The following RAB6A variants were observed in gnomAD, a reference collection of about 807,000 sequenced individuals.
RAB6A encodes RAB6A, member RAS oncogene family, also known as ras-related protein Rab-6A.
RAB6A carries 8 observed loss-of-function variants against 32.3 expected under a neutral mutation model. That is an observed-to-expected ratio of 0.25 (90% CI 0.15 to 0.45). The LOEUF is 0.45. Ranked by LOEUF, RAB6A falls within the 20% of genes least tolerant of loss-of-function variation. The pLI, the probability that RAB6A is intolerant of heterozygous loss-of-function variation, is 1.00. For synonymous variants in RAB6A, 73 were observed against 82.1 expected, an observed-to-expected ratio of 0.89 and a Z score of 0.60; for missense variants, 104 against 249.4, an observed-to-expected ratio of 0.42 and a Z score of 3.93.
At chr11:73,703,477 C>T (rs1002085600) in intron 6 of RAB6A, among the ~76,000 whole-genome samples, 1 of 152,220 alleles carries the variant, frequency 6.6e-6, no homozygotes, top group Non-Finnish European at 1.5e-5. Flanking sequence ...TACAGTGGCT[C>T]ACGCCTGTAA....
chr11:73,689,815 A>ACT (rs1241167150), intron 6 of RAB6A, among the ~76,000 whole-genome samples: 3 of 149,344 alleles, frequency 2.0e-5, no homozygotes, highest in Non-Finnish European at 4.4e-5. Flanking sequence ...CAGAATCTCG[A>ACT]CTGTGCCTCT....
At chr11:73,721,283 C>A (rs934097169) in intron 2 of RAB6A, among the ~76,000 whole-genome samples, 2 of 152,164 alleles carry the variant, frequency 1.3e-5, no homozygotes, top group Non-Finnish European at 2.9e-5. Flanking sequence ...TAAGTATCTG[C>A]CCCAAGAGCA....
chr11:73,753,648 T>G (rs57916752), intron 1 of RAB6A, among the ~76,000 whole-genome samples: 135 of 152,096 alleles, frequency 8.9e-4, no homozygotes, highest in African/African-American at 2.9e-3. Context: ...GAGGCAGAGC[T>G]TGCAGTGAGC....
rs1407413838 is a variant in RAB6A at position 73,722,327 on chromosome 11, A to G, written c.130-1428T>C. 28 of 11,964 alleles carry G rather than the reference A, an allele frequency of 2.3e-3. 1 individual carries two copies. Among genetic ancestry groups the G allele is most frequent in the African/African-American group, 7.3e-3 (28 of 3,816 alleles). 0.7% of individuals were successfully genotyped at this position (11,964 alleles called of 1,614,324 possible). A position where few individuals can be genotyped will look rare whatever the true frequency, so the allele number is the denominator to read the frequency against. ...TGTGTATATATATATATATATATAT[A>G]TATATATATATATATATTTTTTTTT... On this transcript the variant is annotated intron_variant, in intron 2 of 7. Transcript: ENST00000336083.
At chr11:73,693,936 C>T (rs72974857) in intron 6 of RAB6A, among the ~76,000 whole-genome samples, 19,043 of 151,760 alleles carry the variant, frequency 0.13, 1,289 homozygotes, top group Admixed American at 0.16. Flanking sequence ...TTATTTTTAA[C>T]TTTGAAAGTT....
intron 1 of RAB6A, among the ~76,000 whole-genome samples, chr11:73,756,764 C>T (rs1946756661): frequency 6.6e-6 from 1 of 152,168 alleles, no homozygotes; most frequent in African/African-American, 2.4e-5. Context: ...GCAACCTCCA[C>T]CTCCTGGGTT....
chr11:73,708,514 T>C (rs184700983), intron 5 of RAB6A, among the ~76,000 whole-genome samples: 1 of 152,264 alleles, frequency 6.6e-6, no homozygotes. Context: ...CAAAGACATG[T>C]ATGGTAAAGC....
chr11:73,711,877 G>C (rs996108466), intron 5 of RAB6A, among the ~76,000 whole-genome samples: 1 of 152,182 alleles, frequency 6.6e-6, no homozygotes, highest in East Asian at 1.9e-4. Context: ...GTAAGAGCAA[G>C]ACAGAGCTTC....
intron 5 of RAB6A, among the ~76,000 whole-genome samples, chr11:73,711,426 T>TCC (rs1945956081): frequency 6.6e-6 from 1 of 152,234 alleles, no homozygotes; most frequent in Non-Finnish European, 1.5e-5. Flanking sequence ...TCCATAGTAA[T>TCC]ATATACATTC....
chr11:73,684,806 A>G (rs548018037), intron 6 of RAB6A, among the ~76,000 whole-genome samples: 1 of 152,386 alleles, frequency 6.6e-6, no homozygotes, highest in South Asian at 2.1e-4. Context: ...TACAAGGTAT[A>G]CTTAAGAATG....
At chr11:73,688,653 C>T (rs984645575) in intron 6 of RAB6A, among the ~76,000 whole-genome samples, 2 of 152,140 alleles carry the variant, frequency 1.3e-5, no homozygotes, top group Non-Finnish European at 2.9e-5. Context: ...TAAAGGAAAT[C>T]AAAATATCTT....
In RAB6A at chr11:73,693,915, C is replaced by G. The variant is rs145427643; in HGVS notation, c.495+13505G>C. 3.4e-4 allele frequency among the ~76,000 whole-genome samples: 51 copies of G among 152,088 alleles called. 1 individual carries two copies. The East Asian group carries it at 8.7e-3, about 26-fold the overall frequency. ...ATAGGTTAAAGTGATCCCACTGGCC[C>G]TCCCCCATCCTTATTTTTAACTTTG... On this transcript the variant is annotated intron_variant, in intron 6 of 7. Coordinates refer to ENST00000336083, the MANE Select transcript of RAB6A (RefSeq NM_198896.2).
chr11:73,723,311 C>CTTATT (rs371118109), intron 2 of RAB6A, among the ~76,000 whole-genome samples: 5 of 151,540 alleles, frequency 3.3e-5, no homozygotes, highest in East Asian at 1.9e-4. Context: ...ATTTATTTTA[C>CTTATT]TTATTTTATT....
chr11:73,759,992 T>A, intron 1 of RAB6A: 1 of 1,273,024 alleles, frequency 7.9e-7, no homozygotes, highest in Non-Finnish European at 1.0e-6. Flanking sequence ...TGGCCCAGAC[T>A]AATTTCCCAC....
intron 2 of RAB6A, among the ~76,000 whole-genome samples, chr11:73,727,419 C>CT (rs1414217667): frequency 4.8e-5 from 7 of 144,460 alleles, no homozygotes; most frequent in Non-Finnish European, 1.1e-4. Context: ...AAGCAATACT[C>CT]TATCTCTTGG....
At chr11:73,713,530 T>C (rs148465558) in intron 5 of RAB6A, among the ~76,000 whole-genome samples, 3,174 of 149,194 alleles carry the variant, frequency 0.021, 111 homozygotes, top group African/African-American at 0.073. Flanking sequence ...ATTGCGCCAC[T>C]GCACTCCAGG....
At chr11:73,722,295 ATGTGTG>A (rs1369309050) in intron 2 of RAB6A, 1 of 80,812 alleles carries the variant, frequency 1.2e-5, no homozygotes, top group African/African-American at 5.1e-5. Context: ...TCAAATATAT[ATGTGTG>A]TGTGTATATA....
At chr11:73,758,609 C>T (rs150796290) in intron 1 of RAB6A, among the ~76,000 whole-genome samples, 1 of 152,232 alleles carries the variant, frequency 6.6e-6, no homozygotes, top group East Asian at 1.9e-4. Context: ...AGAACATACA[C>T]AAATACTCAA....
At chr11:73,750,229 T>C (rs1025787470) in intron 1 of RAB6A, among the ~76,000 whole-genome samples, 1 of 152,170 alleles carries the variant, frequency 6.6e-6, no homozygotes. Flanking sequence ...AGGAGGTTTA[T>C]TTAGTACTTA....
Sources: gnomAD v4.1 joint callset for allele counts (sites outside exome capture counted in the v4.1 genomes callset) on GRCh38, gnomAD v4.1.1 for gene constraint, MANE v1.5 for transcripts, NCBI Gene and HGNC (gene_info 2026-07-23, HGNC 2026-07-21) for gene names.